The following CAPN10 variants were observed in gnomAD, a reference collection of about 807,000 sequenced individuals.
CAPN10 encodes calpain-10.
Under a neutral mutation model 78.4 loss-of-function variants are expected in CAPN10, and 71 were observed. The ratio of observed to expected loss-of-function variants is 0.91; its 90% CI spans 0.75 to 1.10. The LOEUF is 1.10. Ranked by LOEUF, CAPN10 falls within the 50% of genes least tolerant of loss-of-function variation. The pLI is 0.00. For missense variants in CAPN10, 849 were observed against 924.6 expected, an observed-to-expected ratio of 0.92 and a Z score of 1.06; for synonymous variants, 437 against 407.2, an observed-to-expected ratio of 1.07 and a Z score of -0.88.
In CAPN10 at chr2:240,586,998, C is replaced by T. The variant is rs1393812894; in HGVS notation, c.87C>T (p.Asp29=). 4.0e-6 allele frequency: 6 copies of T among 1,486,346 alleles called. No homozygotes were observed. The South Asian group carries it at 7.7e-5, about 19-fold the overall frequency. 92.1% of individuals were successfully genotyped at this position (1,486,346 alleles called of 1,614,324 possible). ...FPAADSSLFC[D]LSTPLAQFRE... is the part of the protein sequence containing the mutation. ...CCGCGGACTCCTCGCTCTTCTGCGA[C>T]TTGTCTACGCCGCTGGCCCAGTTCC... The change falls in exon 1 of 12, where the codon GAC becomes GAT. Residue 29 remains aspartate, a synonymous_variant. Coordinates refer to ENST00000391984, the MANE Select transcript of CAPN10 (RefSeq NM_023083.4).
chr2:240,598,733 G>A lies in CAPN10; in HGVS notation c.*53G>A. 4.6e-6 allele frequency: 7 copies of A among 1,520,250 alleles called. No individual in the cohort carries two copies. The highest frequency in any genetic ancestry group is 1.4e-5 in the African/African-American group (1 of 73,008). 94.2% of individuals were successfully genotyped at this position (1,520,250 alleles called of 1,614,324 possible). On this transcript the variant is annotated 3_prime_UTR_variant, in exon 12 of 12. Transcript: ENST00000391984. ...TGACTGGAGCCCGAGGGCCTGACAG[G>A]TTCCCAGCAGCTGGGCCGGCCAGCC...
Position 240,589,706 on chromosome 2 carries a change from C to T in CAPN10, c.273+232C>T. The T allele has an allele frequency of 8.8e-6, 5 of 565,886 alleles. No homozygotes were observed. The South Asian group carries it at 1.1e-4, about 12-fold the overall frequency. The allele number at this position is 565,886 out of a possible 1,614,324, so 35.1% of individuals were successfully genotyped here. A position where few individuals can be genotyped will look rare whatever the true frequency, so the allele number is the denominator to read the frequency against. ...CAGAAGGCTCCATCAGGGAGGTTCG[C>T]CCTGCTCTGTGCTCTCCTGACCCCC... On this transcript the variant is annotated intron_variant, in intron 2 of 11. Transcript: ENST00000391984.
Position 240,595,671 on chromosome 2 carries a change from G to A in CAPN10, c.1278+367G>A, listed in dbSNP as rs530299617. ...TGAGGACCTGTCAGGGCCAGTCCCA[G>A]CTCTGCAGCTTGCTGTGTGACCTGG... is the stretch of plus-strand genomic sequence containing the variant. On this transcript the variant is annotated intron_variant, in intron 7 of 11. Coordinates refer to ENST00000391984, the MANE Select transcript of CAPN10 (RefSeq NM_023083.4). Among the ~76,000 whole-genome samples the A allele has an allele frequency of 3.3e-5, 5 of 152,372 alleles. No individual in the cohort carries two copies. The South Asian group carries it at 8.3e-4, about 25-fold the overall frequency.
At chr2:240,587,214 T>G (rs975607935) in intron 1 of CAPN10, among the ~76,000 whole-genome samples, 162 bp downstream of exon 1, 4 of 152,180 alleles carry the variant, frequency 2.6e-5, no homozygotes, top group African/African-American at 9.6e-5. Flanking sequence ...CGTACCTCCT[T>G]CATACCCCCG....
intron 10 of CAPN10, 30 bp downstream of exon 10, chr2:240,598,117 C>G: frequency 6.3e-7 from 1 of 1,583,626 alleles, no homozygotes; most frequent in Non-Finnish European, 8.6e-7. Flanking sequence ...GGGCGGCCAG[C>G]TGGAGGCTGG....
At chr2:240,597,690 C>T (rs928701162) in intron 9 of CAPN10, among the ~76,000 whole-genome samples, 198 bp from the exon 10 acceptor site, 27 of 152,176 alleles carry the variant, frequency 1.8e-4, no homozygotes, top group Admixed American at 6.5e-4. Flanking sequence ...CAGGCGGGGG[C>T]CCCACTGCCG....
chr2:240,591,320 T>G, intron 3 of CAPN10: 1 of 348,082 alleles, frequency 2.9e-6, no homozygotes, highest in Non-Finnish European at 5.3e-6. Flanking sequence ...TGCTTCTTTA[T>G]ATTTGTTGTG....
intron 9 of CAPN10, 141 bp from the exon 10 acceptor site, chr2:240,597,747 A>G (rs1015770857): frequency 9.2e-6 from 7 of 762,462 alleles, no homozygotes; most frequent in African/African-American, 1.8e-5. Context: ...AGGCGAGTCC[A>G]GTGTCCAGGC....
intron 3 of CAPN10, 65 bp from the exon 4 acceptor site, chr2:240,591,868 G>T: frequency 6.9e-7 from 1 of 1,442,404 alleles, no homozygotes; most frequent in South Asian, 1.2e-5. Context: ...TACAGACCAT[G>T]GGAATCAGAG....
Position 240,594,714 on chromosome 2 carries a change from T to C in CAPN10, c.997+5T>C. On this transcript the variant is annotated splice_donor_5th_base_variant and intron_variant, in intron 6 of 11. Transcript: ENST00000391984. Reference sequence around the variant, plus strand: ...ACCTGCAGAGCCTCTACACAGGTAGTGCCCCGAGGGGCTGTGCTGGGCACG... The same window carrying C: ...ACCTGCAGAGCCTCTACACAGGTAGCGCCCCGAGGGGCTGTGCTGGGCACG... 1 of 1,611,196 alleles carries C rather than the reference T, an allele frequency of 6.2e-7. No individual in the cohort carries two copies. The highest frequency in any genetic ancestry group is 8.5e-7 in the Non-Finnish European group (1 of 1,178,520).
chr2:240,595,449 C>T (rs973196931), intron 7 of CAPN10, 145 bp downstream of exon 7: 21 of 841,214 alleles, frequency 2.5e-5, no homozygotes, highest in Non-Finnish European at 3.5e-5. Flanking sequence ...GGCTGTTGCA[C>T]GGGGTTGACG....
chr2:240,591,015 C>T lies in CAPN10; in HGVS notation c.470+4C>T, dbSNP rs375724926. ...TACTGGAAAAGGTCTACGCCAAGTG[C>T]GTGTGCTGGGGGCTGAAGGGCCTGG... On this transcript the variant is annotated splice_donor_region_variant and intron_variant, in intron 3 of 11. Transcript: ENST00000391984. 35 of 1,612,568 alleles carry T rather than the reference C, an allele frequency of 2.2e-5. 1 individual carries two copies. The highest frequency in any genetic ancestry group is 3.3e-5 in the South Asian group (3 of 91,008).
At chr2:240,594,355 C>T in intron 5 of CAPN10, 188 bp from the exon 6 acceptor site, 1 of 674,680 alleles carries the variant, frequency 1.5e-6, no homozygotes, top group Non-Finnish European at 2.6e-6. Flanking sequence ...TCCAGGGTGG[C>T]CGCTGCCCAG....
At chr2:240,594,502 G>C (rs1406301532) in intron 5 of CAPN10, 41 bp from the exon 6 acceptor site, 4 of 1,589,356 alleles carry the variant, frequency 2.5e-6, no homozygotes, top group Middle Eastern at 1.7e-4. Context: ...GACACTACCA[G>C]TTCTCGGGAG....
At chr2:240,596,090 A>G (rs1393233186) in intron 7 of CAPN10, 6 of 1,536,546 alleles carry the variant, frequency 3.9e-6, no homozygotes, top group Non-Finnish European at 5.3e-6. Context: ...AGCTACAAGG[A>G]GGACTTGCAG....
At chr2:240,589,708 C>T (rs1257266982) in intron 2 of CAPN10, 5 of 552,712 alleles carry the variant, frequency 9.0e-6, no homozygotes, top group South Asian at 9.0e-5. Flanking sequence ...GAGGTTCGCC[C>T]TGCTCTGTGC....
chr2:240,587,623 A>G (rs964624727), intron 1 of CAPN10, among the ~76,000 whole-genome samples: 1 of 152,226 alleles, frequency 6.6e-6, no homozygotes, highest in African/African-American at 2.4e-5. Flanking sequence ...CCCTAAGTGG[A>G]TGCGGTCTTA....
rs1426893146 is a variant in CAPN10 at position 240,595,106 on chromosome 2, C to T, written c.1080C>T (p.Gly360=). The part of the protein sequence containing the change: ...QSAGGCRNNS[G]FPSNPKFWLR... ...CAGGAGGCTGCCGGAACAACAGCGG[C>T]TTTCCCAGCAACCCCAAATTCTGGC... The change falls in exon 7 of 12, where the codon GGC becomes GGT. Residue 360 remains glycine (G), a synonymous_variant. Transcript: ENST00000391984. The T allele has an allele frequency of 1.2e-6, 2 of 1,613,922 alleles. No homozygotes were observed. The highest frequency in any genetic ancestry group is 8.5e-7 in the Non-Finnish European group (1 of 1,180,020).
chr2:240,589,366 G>A lies in CAPN10; in HGVS notation c.165G>A (p.Leu55=). ...RPQEICATPR[L]FPDDPREGQV... is the part of the protein sequence containing the mutation. ...AGGAGATTTGTGCCACACCCCGGCT[G>A]TTTCCAGATGACCCACGGGAAGGGC... Residue 55 remains leucine, a synonymous_variant, in exon 2 of 12, where the codon CTG becomes CTA. Coordinates refer to ENST00000391984, the MANE Select transcript of CAPN10 (RefSeq NM_023083.4). The A allele has an allele frequency of 3.7e-6, 6 of 1,614,180 alleles. No homozygotes were observed. The South Asian group carries it at 4.4e-5, about 12-fold the overall frequency.
Sources: allele counts gnomAD v4.1 joint callset (sites outside exome capture counted in the v4.1 genomes callset), GRCh38; gene constraint gnomAD v4.1.1; transcripts MANE v1.5; gene names NCBI Gene and HGNC (gene_info 2026-07-23, HGNC 2026-07-21).